Variants in PTPRD observed in about 807,000 individuals in gnomAD.
PTPRD encodes receptor-type tyrosine-protein phosphatase delta.
A neutral mutation model predicts 214.5 loss-of-function variants in PTPRD; 34 were observed. The ratio of observed to expected loss-of-function variants is 0.16; its 90% CI spans 0.12 to 0.21. PTPRD has a LOEUF of 0.21. Among genes scored for constraint, PTPRD ranks in the 10% least tolerant of loss-of-function variants. The pLI is 1.00. For synonymous variants in PTPRD, 1,128 were observed against 845.7 expected, an observed-to-expected ratio of 1.33 and a Z score of -5.79; for missense variants, 2,545 against 2,398.7, an observed-to-expected ratio of 1.06 and a Z score of -1.27.
chr9:9,888,984 T>C (rs769046698), intron 5 of PTPRD, among the ~76,000 whole-genome samples: 22 of 152,090 alleles, frequency 1.4e-4, no homozygotes, highest in Non-Finnish European at 2.5e-4. Context: ...ACAGAAGTTC[T>C]AGGACATTAT....
At chr9:8,518,456 T>A (rs2138604952) in intron 20 of PTPRD, 27 bp from the exon 21 acceptor site, 1 of 1,471,192 alleles carries the variant, frequency 6.8e-7, no homozygotes, top group Non-Finnish European at 9.2e-7. Context: ...TAAAAGACAA[T>A]GACTACCCAT....
intron 10 of PTPRD, among the ~76,000 whole-genome samples, chr9:9,067,351 T>A (rs1296175927): frequency 1.3e-5 from 2 of 152,270 alleles, no homozygotes; most frequent in African/African-American, 4.8e-5. Context: ...TTAATGCTTA[T>A]GTTTGAATTC....
chr9:10,362,918 C>A (rs375099733), intron 2 of PTPRD, among the ~76,000 whole-genome samples: 1 of 151,920 alleles, frequency 6.6e-6, no homozygotes, highest in Non-Finnish European at 1.5e-5. Context: ...TTTGCCTAGT[C>A]TCTTCACCAC....
chr9:8,573,855 ATT>A (rs992343988), intron 14 of PTPRD, among the ~76,000 whole-genome samples: 3 of 151,936 alleles, frequency 2.0e-5, no homozygotes, highest in Non-Finnish European at 4.4e-5. Flanking sequence ...AATATTTACA[ATT>A]TGTTTATATT....
At chr9:8,676,130 A>G (rs2097408706) in intron 12 of PTPRD, among the ~76,000 whole-genome samples, 1 of 152,180 alleles carries the variant, frequency 6.6e-6, no homozygotes, top group Admixed American at 6.5e-5. Flanking sequence ...TTTTTTGTAT[A>G]TTAAGACTGT....
chr9:9,511,808 T>C (rs1466324040), intron 8 of PTPRD, among the ~76,000 whole-genome samples: 1 of 151,832 alleles, frequency 6.6e-6, no homozygotes, highest in Non-Finnish European at 1.5e-5. Context: ...TTCTGTAATG[T>C]AGGTCAAATG....
intron 3 of PTPRD, among the ~76,000 whole-genome samples, chr9:10,052,374 AG>A (rs2097549690): frequency 6.6e-6 from 1 of 152,174 alleles, no homozygotes; most frequent in Non-Finnish European, 1.5e-5. Context: ...GAAGCAGCAC[AG>A]GAGGGAGATG....
chr9:10,445,329 ATGT>A (rs1230347277), intron 2 of PTPRD, among the ~76,000 whole-genome samples: 3 of 152,034 alleles, frequency 2.0e-5, no homozygotes, highest in Non-Finnish European at 4.4e-5. Context: ...CAGAAAAGAA[ATGT>A]TGTTGGAGTT....
intron 18 of PTPRD, among the ~76,000 whole-genome samples, chr9:8,524,317 A>C (rs928449359): frequency 6.6e-6 from 1 of 152,218 alleles, no homozygotes; most frequent in African/African-American, 2.4e-5. Context: ...AAGTCTTAAT[A>C]ATTCAAACAA....
intron 11 of PTPRD, among the ~76,000 whole-genome samples, chr9:8,803,560 C>G (rs1159133134): frequency 6.6e-6 from 1 of 151,806 alleles, no homozygotes; most frequent in Non-Finnish European, 1.5e-5. Flanking sequence ...TAGTGAAACC[C>G]CGGTTCTACA....
chr9:10,507,730 A>G (rs986992154), intron 2 of PTPRD, among the ~76,000 whole-genome samples: 6 of 152,176 alleles, frequency 3.9e-5, no homozygotes, highest in Non-Finnish European at 8.8e-5. Flanking sequence ...TGGTGCTGGG[A>G]AAACTGGCTA....
chr9:8,636,921 C>T (rs2154328750), intron 12 of PTPRD, 77 bp from the exon 13 acceptor site: 2 of 1,443,894 alleles, frequency 1.4e-6, no homozygotes, highest in Non-Finnish European at 1.9e-6. Context: ...CTGCTCTCCC[C>T]ACCATCCTCA....
intron 11 of PTPRD, among the ~76,000 whole-genome samples, chr9:8,990,965 A>T (rs1011922208): frequency 6.6e-6 from 1 of 152,062 alleles, no homozygotes; most frequent in African/African-American, 2.4e-5. Flanking sequence ...CTGTAGTCCC[A>T]ACACTTTGGG....
intron 2 of PTPRD, among the ~76,000 whole-genome samples, chr9:10,538,467 G>A (rs1301678530): frequency 6.6e-6 from 1 of 151,804 alleles, no homozygotes; most frequent in Non-Finnish European, 1.5e-5. Context: ...GCTTTCTTCG[G>A]TTAATCCCTC....
At chr9:9,273,738 A>T in intron 9 of PTPRD, among the ~76,000 whole-genome samples, 1 of 151,294 alleles carries the variant, frequency 6.6e-6, no homozygotes, top group East Asian at 2.0e-4. Flanking sequence ...TTGACATTTG[A>T]GCTGTCAGCT....
At chr9:10,362,847 T>C (rs2097423272) in intron 2 of PTPRD, among the ~76,000 whole-genome samples, 2 of 152,178 alleles carry the variant, frequency 1.3e-5, no homozygotes, top group South Asian at 4.1e-4. Flanking sequence ...GCCACTGCAC[T>C]CCAGCTTGGG....
At chr9:10,336,940 C>A (rs1433956409) in intron 3 of PTPRD, among the ~76,000 whole-genome samples, 1 of 151,386 alleles carries the variant, frequency 6.6e-6, no homozygotes, top group Non-Finnish European at 1.5e-5. Context: ...AATAAATAGC[C>A]CAGGAAATTC....
intron 35 of PTPRD, among the ~76,000 whole-genome samples, chr9:8,430,419 T>G (rs2132125493): frequency 6.7e-6 from 1 of 149,616 alleles, no homozygotes; most frequent in Non-Finnish European, 1.5e-5. Context: ...TACAGGTGCA[T>G]GCCACCACGA....
At chr9:8,785,960 A>G (rs2095935398) in intron 11 of PTPRD, among the ~76,000 whole-genome samples, 1 of 152,186 alleles carries the variant, frequency 6.6e-6, no homozygotes, top group African/African-American at 2.4e-5. Context: ...TAGATGGCCC[A>G]ACAGAATCAC....
Sources: gnomAD v4.1 joint callset for allele counts (sites outside exome capture counted in the v4.1 genomes callset) on GRCh38, gnomAD v4.1.1 for gene constraint, MANE v1.5 for transcripts, NCBI Gene and HGNC (gene_info 2026-07-23, HGNC 2026-07-21) for gene names.